Variants in DPYD observed in about 807,000 individuals in gnomAD.
DPYD encodes dihydropyrimidine dehydrogenase.
Under a neutral mutation model 116.2 loss-of-function variants are expected in DPYD, and 109 were observed. That is an observed-to-expected ratio of 0.94 (90% CI 0.80 to 1.10). The LOEUF (loss-of-function observed/expected upper bound fraction) is 1.10, where lower values mean the gene tolerates loss of function less well. Ranked by LOEUF, DPYD falls within the 50% of genes least tolerant of loss-of-function variation. The pLI is 0.00. For missense variants in DPYD, 1,302 were observed against 1,254.5 expected (o/e 1.04, Z -0.57); for synonymous variants, 440 against 432.0 (o/e 1.02, Z -0.23).
chr1:97,564,183 G>T (rs1013102078), intron 11 of DPYD, among the ~76,000 whole-genome samples: 1 of 152,112 alleles, frequency 6.6e-6, no homozygotes, highest in Non-Finnish European at 1.5e-5. Context: ...CAACATGGCA[G>T]CACATGAGGA....
chr1:97,529,471 A>T (rs552025387), intron 12 of DPYD, among the ~76,000 whole-genome samples: 104 of 152,260 alleles, frequency 6.8e-4, no homozygotes, highest in Middle Eastern at 3.4e-3. Flanking sequence ...ATTATTACAC[A>T]CCTTTTTTTC....
intron 18 of DPYD, among the ~76,000 whole-genome samples, chr1:97,244,274 C>T (rs1051254565): frequency 2.0e-5 from 3 of 152,002 alleles, no homozygotes; most frequent in African/African-American, 7.2e-5. Flanking sequence ...TGCCCTGAAC[C>T]TACTTTTTAT....
chr1:97,472,888 C>A (rs901874377), intron 13 of DPYD, among the ~76,000 whole-genome samples: 1 of 152,176 alleles, frequency 6.6e-6, no homozygotes, highest in Admixed American at 6.5e-5. Context: ...AATGTGATGA[C>A]TTCATATATC....
intron 14 of DPYD, among the ~76,000 whole-genome samples, chr1:97,400,936 C>T (rs965912998): frequency 5.3e-5 from 8 of 152,056 alleles, no homozygotes; most frequent in Non-Finnish European, 8.8e-5. Flanking sequence ...CCACCAGCAA[C>T]GAATGAGAGC....
intron 20 of DPYD, among the ~76,000 whole-genome samples, chr1:97,108,196 T>C (rs1651315109): frequency 6.6e-6 from 1 of 152,104 alleles, no homozygotes; most frequent in African/African-American, 2.4e-5. Flanking sequence ...TGTGGCATAT[T>C]GGAAACAGCA....
intron 18 of DPYD, among the ~76,000 whole-genome samples, chr1:97,263,235 G>A (rs1044024842): frequency 6.6e-6 from 1 of 151,954 alleles, no homozygotes; most frequent in African/African-American, 2.4e-5. Context: ...TACTCCTATG[G>A]TAACAAGAAG....
chr1:97,162,306 A>G (rs1330795486), intron 20 of DPYD, among the ~76,000 whole-genome samples: 1 of 152,152 alleles, frequency 6.6e-6, no homozygotes, highest in African/African-American at 2.4e-5. Context: ...TTTGATTTGC[A>G]TTTCTCTGAT....
intron 11 of DPYD, among the ~76,000 whole-genome samples, chr1:97,552,967 A>C (rs1651435447): frequency 6.6e-6 from 1 of 152,026 alleles, no homozygotes; most frequent in Non-Finnish European, 1.5e-5. Flanking sequence ...TTAATACCCA[A>C]TATTTGGCTC....
At chr1:97,835,652 C>T (rs951827536) in intron 2 of DPYD, among the ~76,000 whole-genome samples, 3 of 151,910 alleles carry the variant, frequency 2.0e-5, no homozygotes, top group East Asian at 1.9e-4. Context: ...AATTACAATG[C>T]GTTTGTTTGC....
intron 16 of DPYD, among the ~76,000 whole-genome samples, chr1:97,308,120 T>G (rs897346034): frequency 1.3e-5 from 2 of 151,818 alleles, no homozygotes; most frequent in Admixed American, 1.3e-4. Context: ...GCCATAATAA[T>G]TTACTCTGAA....
In DPYD at chr1:97,559,563, T is replaced by C. The variant is rs569407256; in HGVS notation, c.1340-9819A>G. 5.9e-5 allele frequency among the ~76,000 whole-genome samples: 9 copies of C among 152,304 alleles called. No homozygotes were observed. In the East Asian group the frequency reaches 7.7e-4, roughly 13 times the overall value. ...TCAGTAAACAGTTTAATGGTTTTTA[T>C]GTTTAACCAATTTCATAAGTTCCTG... On this transcript the variant is annotated intron_variant, in intron 11 of 22. Coordinates refer to ENST00000370192, the MANE Select transcript of DPYD (RefSeq NM_000110.4).
At chr1:97,558,172 C>G (rs915287128) in intron 11 of DPYD, among the ~76,000 whole-genome samples, 5 of 152,124 alleles carry the variant, frequency 3.3e-5, no homozygotes, top group Admixed American at 1.3e-4. Context: ...TTTTCCCCCC[C>G]TTTCTAGTGA....
chr1:97,259,163 T>C (rs1480732730), intron 18 of DPYD, among the ~76,000 whole-genome samples: 1 of 152,082 alleles, frequency 6.6e-6, no homozygotes, highest in Admixed American at 6.6e-5. Flanking sequence ...GCATGGTATC[T>C]CCAGTACTGT....
intron 18 of DPYD, among the ~76,000 whole-genome samples, chr1:97,282,542 T>C (rs959246177): frequency 6.6e-6 from 1 of 152,152 alleles, no homozygotes; most frequent in Non-Finnish European, 1.5e-5. Context: ...GCTAATTTAC[T>C]AGTATAAAAT....
intron 21 of DPYD, chr1:97,096,039 A>T (rs893623302): frequency 6.6e-6 from 1 of 152,196 alleles, no homozygotes; most frequent in Admixed American, 6.6e-5. Context: ...AACACCAAGG[A>T]CATTTCACTC....
At chr1:97,774,373 T>A (rs1181743503) in intron 3 of DPYD, among the ~76,000 whole-genome samples, 1 of 152,178 alleles carries the variant, frequency 6.6e-6, no homozygotes, top group Non-Finnish European at 1.5e-5. Flanking sequence ...CTTCGTCTCT[T>A]GTCTCTCTCT....
intron 3 of DPYD, among the ~76,000 whole-genome samples, chr1:97,822,310 T>C (rs1472437386): frequency 2.0e-5 from 3 of 148,312 alleles, no homozygotes; most frequent in East Asian, 3.9e-4. Flanking sequence ...AATATAAATA[T>C]ATTATATATC....
chr1:97,361,212 GAT>G (rs1273332906), intron 16 of DPYD, among the ~76,000 whole-genome samples: 1 of 152,138 alleles, frequency 6.6e-6, no homozygotes, highest in African/African-American at 2.4e-5. Context: ...AGAAGAAATG[GAT>G]AAATTCCTGG....
intron 3 of DPYD, among the ~76,000 whole-genome samples, chr1:97,757,499 C>A (rs181186533): frequency 1.2e-4 from 19 of 152,186 alleles, no homozygotes; most frequent in African/African-American, 3.6e-4. Flanking sequence ...CAGCAGCAGC[C>A]ACACCAGGTG....
Sources: gnomAD v4.1 joint callset for allele counts (sites outside exome capture counted in the v4.1 genomes callset) on GRCh38, gnomAD v4.1.1 for gene constraint, MANE v1.5 for transcripts, NCBI Gene and HGNC (gene_info 2026-07-23, HGNC 2026-07-21) for gene names.